The following NBPF12 variants were observed in gnomAD, a reference collection of about 807,000 sequenced individuals.
NBPF12 encodes the protein NBPF family member NBPF12.
A neutral mutation model predicts 146.4 loss-of-function variants in NBPF12; 115 were observed. That is an observed-to-expected ratio of 0.79 (90% CI 0.68 to 0.92). The LOEUF (loss-of-function observed/expected upper bound fraction) is 0.92. NBPF12 is among the 40% of genes least tolerant of loss of function. NBPF12 has a pLI of 0.00. For synonymous variants in NBPF12, 385 were observed against 508.9 expected (o/e 0.76, Z 3.28); for missense variants, 1,205 against 1,326.8 (o/e 0.91, Z 1.43).
At chr1:146,940,005 C>G (rs1654723746) in intron 1 of NBPF12, among the ~76,000 whole-genome samples, 1 of 150,020 alleles carries the variant, frequency 6.7e-6, no homozygotes, top group African/African-American at 2.5e-5. Context: ...AAAGCCTTTT[C>G]TTGCAGTGGT....
At chr1:146,964,995 T>A in exon 8 of NBPF12, 1 of 1,607,874 alleles carries the variant, frequency 6.2e-7, no homozygotes, top group Non-Finnish European at 8.5e-7. Context: ...CCATCCAGCC[T>A]CACAAGAACA....
At position 146,954,881 on chromosome 1, in the gene NBPF12, CCA is replaced by C. The variant is rs1160541580; in HGVS notation, c.-184+3407_-184+3408del. ...AGGACATATATATATGTATACACAC[CCA>C]CACACACACACACAAACGTGTGTGT... is the stretch of plus-strand genomic sequence containing the variant. On this transcript the variant is annotated intron_variant, in intron 2 of 33. Transcript: ENST00000617844. Among the ~76,000 whole-genome samples, 254 of 102,894 alleles carry C rather than the reference CCA, an allele frequency of 2.5e-3. 2 individuals are homozygous for C. Among genetic ancestry groups the C allele is most frequent in the African/African-American group, 7.8e-3 (212 of 27,188 alleles). The allele number at this position is 102,894 out of a possible 152,430, so 67.5% of individuals were successfully genotyped here.
At chr1:146,964,461 G>A in intron 7 of NBPF12, 32 bp downstream of exon 10, 3 of 1,595,424 alleles carry the variant, frequency 1.9e-6, no homozygotes, top group Non-Finnish European at 2.6e-6. Context: ...CAAGTAATGG[G>A]TGGTAACATA....
rs1553888337 is a variant in NBPF12 at position 146,984,499 on chromosome 1, G to C, written c.2666+314G>C. 1.7e-4 allele frequency among the ~76,000 whole-genome samples: 26 copies of C among 150,734 alleles called. No individual in the cohort carries two copies. The East Asian group carries it at 5.1e-3, about 30-fold the overall frequency. Reference sequence around the variant, plus strand: ...GCTTTTCATGATCACTGTTCACTGTGTGTCCTGAGAGCACAAATACAGAGT... The same window carrying C: ...GCTTTTCATGATCACTGTTCACTGTCTGTCCTGAGAGCACAAATACAGAGT... On this transcript the variant is annotated intron_variant, in intron 21 of 33. Transcript: ENST00000617844.
At chr1:146,966,526 A>G (rs1487934400) in exon 9 of NBPF12, 10 of 1,482,892 alleles carry the variant, frequency 6.7e-6, no homozygotes, top group Non-Finnish European at 9.4e-6. Flanking sequence ...CCCTTTGTCC[A>G]GCGAGAAGGC....
chr1:146,973,873 T>C (rs1656817979), intron 14 of NBPF12, among the ~76,000 whole-genome samples: 3 of 148,508 alleles, frequency 2.0e-5, no homozygotes, highest in African/African-American at 7.6e-5. Context: ...GGGCACAGAG[T>C]CTTGTTCCTA....
chr1:146,957,994 T>A (rs1655678810), intron 2 of NBPF12, among the ~76,000 whole-genome samples: 2 of 123,692 alleles, frequency 1.6e-5, no homozygotes, highest in African/African-American at 5.6e-5. Context: ...TGTGTATATA[T>A]ATATATACAT....
Position 146,962,231 on chromosome 1 carries a change from T to G in NBPF12, c.246T>G (p.Leu82=). 3 of 1,607,294 alleles carry G rather than the reference T, an allele frequency of 1.9e-6. No homozygotes were observed. In the South Asian group the frequency reaches 3.3e-5, roughly 18 times the overall value. The change falls in exon 5 of 34, where the codon CTT becomes CTG. Residue 82 remains leucine, a synonymous_variant. Coordinates refer to ENST00000617844, the Ensembl canonical transcript of NBPF12. ...AGCGACAGTTCAAGGAGGAGAAGCT[T>G]GCAGAGCAGCTGAAACAAGCTGAGG...
chr1:146,952,430 A>G (rs1291522218), intron 2 of NBPF12, among the ~76,000 whole-genome samples: 10 of 152,218 alleles, frequency 6.6e-5, no homozygotes, highest in African/African-American at 2.2e-4. Context: ...ACCAGCCCCA[A>G]TGCCGTGTAG....
chr1:146,954,297 G>C (rs1408918543), intron 2 of NBPF12, among the ~76,000 whole-genome samples: 4 of 132,598 alleles, frequency 3.0e-5, no homozygotes, highest in African/African-American at 5.7e-5. Context: ...GGCTGAGGCA[G>C]GAGGATCACT....
At chr1:146,994,262 T>C in intron 33 of NBPF12, 70 bp from the exon 37 acceptor site, 1 of 1,610,788 alleles carries the variant, frequency 6.2e-7, no homozygotes. Context: ...ATGTTACTTC[T>C]GAAATCTAGT....
chr1:146,954,924 T>C (rs1334098248), intron 2 of NBPF12, among the ~76,000 whole-genome samples: 5 of 111,060 alleles, frequency 4.5e-5, no homozygotes, highest in Middle Eastern at 4.7e-3. Context: ...TGTGTGTGTA[T>C]ATATATATAT....
In NBPF12 at chr1:146,972,204, G is replaced by T. The variant is rs1553886598; in HGVS notation, c.1592-547G>T. On this transcript the variant is annotated intron_variant, in intron 13 of 33. Coordinates refer to ENST00000617844, the Ensembl canonical transcript of NBPF12. ...GAGGTCAGGAGTTCGAAACCAGCCT[G>T]TCCAAGTTGGCGAAACCCCATCTCT... 5.3e-5 allele frequency among the ~76,000 whole-genome samples: 8 copies of T among 151,076 alleles called. 1 individual carries two copies. The highest frequency in any genetic ancestry group is 5.2e-4 in the Admixed American group (8 of 15,240).
At position 146,973,665 on chromosome 1, in the gene NBPF12, G is replaced by A. The variant is rs1464896593; in HGVS notation, c.1801+705G>A. On this transcript the variant is annotated intron_variant, in intron 14 of 33. Transcript: ENST00000617844. ...TAGATGGGCATGGTGGCAGGTGACT[G>A]TAATCACCCCTGCTCAGGAGGCTGA... Among the ~76,000 whole-genome samples the A allele has an allele frequency of 3.8e-4, 57 of 148,994 alleles. 3 individuals carry two copies. The East Asian group carries it at 0.01, about 27-fold the overall frequency.
upstream of NBPF12, among the ~76,000 whole-genome samples, chr1:146,945,716 C>G (rs1329141501): frequency 6.6e-6 from 1 of 151,930 alleles, no homozygotes; most frequent in Non-Finnish European, 1.5e-5. Context: ...CCCTGTCCTC[C>G]AGCACACAAT....
chr1:146,975,387 T>G (rs1656922933), intron 15 of NBPF12, among the ~76,000 whole-genome samples: 1 of 148,628 alleles, frequency 6.7e-6, no homozygotes, highest in Non-Finnish European at 1.5e-5. Flanking sequence ...AGTGAGGAAC[T>G]GAAAGGATGT....
chr1:146,940,002 T>C (rs1365952090), intron 1 of NBPF12, among the ~76,000 whole-genome samples: 1 of 151,788 alleles, frequency 6.6e-6, no homozygotes, highest in African/African-American at 2.4e-5. Flanking sequence ...AAAAAAGCCT[T>C]TTCTTGCAGT....
At chr1:146,956,105 A>T (rs1655574889) in intron 2 of NBPF12, among the ~76,000 whole-genome samples, 1 of 151,890 alleles carries the variant, frequency 6.6e-6, no homozygotes, top group Admixed American at 6.6e-5. Flanking sequence ...TAGTTTCTTC[A>T]TAATAGCCCA....
chr1:146,961,054 A>G (rs1365107969), intron 4 of NBPF12, among the ~76,000 whole-genome samples: 2 of 152,094 alleles, frequency 1.3e-5, no homozygotes, highest in South Asian at 2.1e-4. Context: ...GCTGAGGCAG[A>G]AGAAGCCTTT....
Sources: allele counts gnomAD v4.1 joint callset (sites outside exome capture counted in the v4.1 genomes callset), GRCh38; gene constraint gnomAD v4.1.1; transcripts MANE v1.5; gene names NCBI Gene and HGNC (gene_info 2026-07-23, HGNC 2026-07-21).